Variants in CAGE1 observed in about 807,000 individuals in gnomAD.
CAGE1 encodes cancer-associated gene 1 protein.
In CAGE1, 66 loss-of-function variants were observed where a neutral mutation model predicts 94.9. That is an observed-to-expected ratio of 0.70 (90% CI 0.57 to 0.85). The LOEUF (loss-of-function observed/expected upper bound fraction) is 0.85, where lower values mean the gene tolerates loss of function less well. Among genes scored for constraint, CAGE1 ranks in the 40% least tolerant of loss-of-function variants. The probability of loss-of-function intolerance (pLI) is 0.00; values close to 1 mark genes in which losing one functional copy is unlikely to be tolerated. For missense variants in CAGE1, 865 were observed against 950.4 expected, an observed-to-expected ratio of 0.91 and a Z score of 1.18; for synonymous variants, 319 against 321.0, an observed-to-expected ratio of 0.99 and a Z score of 0.07.
At chr6:7,330,955 A>C (rs1362575767) in intron 12 of CAGE1, among the ~76,000 whole-genome samples, 1 of 152,232 alleles carries the variant, frequency 6.6e-6, no homozygotes, top group Non-Finnish European at 1.5e-5. Flanking sequence ...TAGGAAAAAA[A>C]TTCCATTGTT....
At chr6:7,381,375 A>C (rs1760925434) in intron 3 of CAGE1, among the ~76,000 whole-genome samples, 1 of 152,244 alleles carries the variant, frequency 6.6e-6, no homozygotes, top group South Asian at 2.1e-4. Context: ...GGGAGGCTTC[A>C]GTAGAAAGCA....
At chr6:7,382,054 T>C (rs186439002) in intron 3 of CAGE1, among the ~76,000 whole-genome samples, 244 of 151,710 alleles carry the variant, frequency 1.6e-3, no homozygotes, top group Non-Finnish European at 3.1e-3. Flanking sequence ...TAGCCAGGAT[T>C]GCCTCAATCT....
chr6:7,329,855 C>T lies in CAGE1; in HGVS notation c.2472G>A (p.Met824Ile). Residue 824 changes from methionine to isoleucine, a missense_variant, in exon 13 of 14, where the codon ATG (methionine) becomes ATA (isoleucine). Coordinates refer to ENST00000502583, the MANE Select transcript of CAGE1 (RefSeq NM_001170692.2). ...SKSLENHPKSMTMMPALFKEN... is the reference protein window; with the variant it reads ...SKSLENHPKSITMMPALFKEN... ...GATCATCAAGGTGACCTACCATGGT[C>T]ATGGACTTCGGATGATTTTCTAAGC... The T allele has an allele frequency of 6.9e-7, 1 of 1,452,182 alleles. No homozygotes were observed. The highest frequency in any genetic ancestry group is 9.6e-7 in the Non-Finnish European group (1 of 1,045,386). 90.0% of individuals were successfully genotyped at this position (1,452,182 alleles called of 1,614,324 possible).
intron 11 of CAGE1, chr6:7,341,845 G>C (rs1402511042): frequency 1.5e-6 from 1 of 678,772 alleles, no homozygotes; most frequent in Non-Finnish European, 2.8e-6. Context: ...GCACTAGTAG[G>C]TCAGGAACTG....
intron 11 of CAGE1, chr6:7,341,929 G>A (rs543256298): frequency 6.0e-5 from 43 of 712,542 alleles, no homozygotes; most frequent in Non-Finnish European, 1.1e-4. Flanking sequence ...AATGCCGTTC[G>A]TGTCACTTTC....
intron 11 of CAGE1, among the ~76,000 whole-genome samples, chr6:7,340,555 C>G (rs1759125530): frequency 1.3e-5 from 2 of 152,134 alleles, no homozygotes; most frequent in South Asian, 4.1e-4. Context: ...ACCCCAACCC[C>G]AATAAAAACA....
intron 11 of CAGE1, among the ~76,000 whole-genome samples, chr6:7,352,274 C>T (rs1298287475): frequency 1.9e-5 from 2 of 106,996 alleles, no homozygotes; most frequent in Non-Finnish European, 3.6e-5. Context: ...GAACTCAAGC[C>T]TTTTTACAAT....
intron 11 of CAGE1, among the ~76,000 whole-genome samples, chr6:7,352,306 CAAAAAAA>C (rs796943772): frequency 9.6e-6 from 1 of 103,980 alleles, no homozygotes; most frequent in Admixed American, 9.9e-5. Context: ...AAAAAAAAAA[CAAAAAAA>C]AACAAAAAAA....
intron 3 of CAGE1, among the ~76,000 whole-genome samples, chr6:7,379,813 G>A (rs1207982074): frequency 6.6e-6 from 1 of 152,052 alleles, no homozygotes; most frequent in East Asian, 1.9e-4. Flanking sequence ...CTCATTTTGT[G>A]ACACCCTTAA....
intron 11 of CAGE1, among the ~76,000 whole-genome samples, chr6:7,352,593 A>G (rs1023979935): frequency 6.6e-6 from 1 of 152,160 alleles, no homozygotes; most frequent in Admixed American, 6.6e-5. Flanking sequence ...CCAAAGCAAG[A>G]CTAAGCAAAA....
rs1761248212 is a variant in CAGE1 at position 7,389,249 on chromosome 6, C to T, written c.-71G>A. Reference sequence around the variant, plus strand: ...ATTCATTTTTCACCTCAAAACGAGACACCAAACTTTTTAAGACACAAAAGT... The same window carrying T: ...ATTCATTTTTCACCTCAAAACGAGATACCAAACTTTTTAAGACACAAAAGT... On this transcript the variant is annotated 5_prime_UTR_variant, in exon 1 of 14. Transcript: ENST00000502583. 1 of 456,124 alleles carries T rather than the reference C, an allele frequency of 2.2e-6. No individual in the cohort carries two copies. The highest frequency in any genetic ancestry group is 2.3e-5 in the Admixed American group (1 of 42,558). 28.3% of individuals were successfully genotyped at this position (456,124 alleles called of 1,614,324 possible).
chr6:7,352,571 G>T (rs1448234353), intron 11 of CAGE1, among the ~76,000 whole-genome samples: 1 of 152,082 alleles, frequency 6.6e-6, no homozygotes, highest in Non-Finnish European at 1.5e-5. Context: ...AATCAAAAGA[G>T]AGCCTGCATA....
At chr6:7,358,074 C>T (rs1354736922) in intron 9 of CAGE1, among the ~76,000 whole-genome samples, 1 of 70,228 alleles carries the variant, frequency 1.4e-5, no homozygotes, top group African/African-American at 4.8e-5. Flanking sequence ...ATATATATGC[C>T]TCCAAAACCA....
At chr6:7,380,816 T>C (rs1209066100) in intron 3 of CAGE1, among the ~76,000 whole-genome samples, 1 of 152,214 alleles carries the variant, frequency 6.6e-6, no homozygotes, top group Admixed American at 6.5e-5. Flanking sequence ...TGTTTCCTTC[T>C]ATGCCAATGT....
rs751428743 is a variant in CAGE1, at chr6:7,374,066, T to G, written c.753A>C (p.Glu251Asp). The G allele has an allele frequency of 6.6e-5, 106 of 1,613,880 alleles. No individual in the cohort carries two copies. The highest frequency in any genetic ancestry group is 8.9e-5 in the Non-Finnish European group (105 of 1,179,896). Reference protein sequence around the residue: ...GEIPEMSVSYEKEVTAEGVER... With the variant: ...GEIPEMSVSYDKEVTAEGVER... Reference sequence around the variant, plus strand: ...CCACACCCTCTGCTGTGACTTCCTTTTCATAACTGACTGACATCTCAGGAA... The same window carrying G: ...CCACACCCTCTGCTGTGACTTCCTTGTCATAACTGACTGACATCTCAGGAA... Residue 251 changes from glutamate (E) to aspartate (D), a missense_variant, in exon 5 of 14, where the codon GAA becomes GAC. Physicochemically the swap from Glu to Asp is conservative, Grantham distance 45. Transcript: ENST00000502583.
rs190227099 is a variant in CAGE1, at chr6:7,348,031, G to A, written c.2369+7010C>T. On this transcript the variant is annotated intron_variant, in intron 11 of 13. Transcript: ENST00000502583. ...GGGCATATATTCTTGGGAGTTCTAG[G>A]GCCCTGCTCACCACCGGTTCCTTTT... Among the ~76,000 whole-genome samples, 211 of 151,230 alleles carry A rather than the reference G, an allele frequency of 1.4e-3. 1 individual carries two copies. The highest frequency in any genetic ancestry group is 4.8e-3 in the African/African-American group (199 of 41,152).
intron 12 of CAGE1, 62 bp downstream of exon 12, chr6:7,333,960 A>C: frequency 9.2e-7 from 1 of 1,082,654 alleles, no homozygotes; most frequent in Non-Finnish European, 1.4e-6. Context: ...GAGCCACCGC[A>C]CTTGGCCATA....
At chr6:7,378,532 C>G in intron 4 of CAGE1, 85 bp downstream of exon 4, 2 of 1,255,062 alleles carry the variant, frequency 1.6e-6, no homozygotes, top group Non-Finnish European at 2.2e-6. Context: ...CGTACCTCCT[C>G]TGCTTTATAA....
rs565163363 is a variant in CAGE1 at position 7,365,448 on chromosome 6, TA to T, written c.2193+19del. 20 of 1,593,570 alleles carry T rather than the reference TA, an allele frequency of 1.3e-5. No individual in the cohort carries two copies. The highest frequency in any genetic ancestry group is 1.5e-5 in the Non-Finnish European group (18 of 1,166,410). The stretch of plus-strand genomic sequence containing the variant: ...GTTGTGTATAAAAATAATAGCAAGG[TA>T]AAAAAAGGTCTTTCTTACCAAGAAA... On this transcript the variant is annotated intron_variant, in intron 9 of 13. Transcript: ENST00000502583.
Sources: allele counts gnomAD v4.1 joint callset (sites outside exome capture counted in the v4.1 genomes callset), GRCh38; gene constraint gnomAD v4.1.1; transcripts MANE v1.5; gene names NCBI Gene and HGNC (gene_info 2026-07-23, HGNC 2026-07-21).